RHOBTB3: variants seen among roughly 807,000 people sequenced by gnomAD.
The protein encoded by RHOBTB3 is rho-related BTB domain-containing protein 3.
RHOBTB3 carries 47 observed loss-of-function variants against 67.2 expected under a neutral mutation model. The observed-to-expected ratio is 0.70, with a 90% CI of 0.55 to 0.89. The LOEUF is 0.89. RHOBTB3 is among the 40% of genes least tolerant of loss of function. RHOBTB3 has a pLI of 0.00. For missense variants in RHOBTB3, 631 were observed against 750.0 expected (o/e 0.84, Z 1.85); for synonymous variants, 273 against 274.2 (o/e 1.00, Z 0.04).
chr5:95,788,022 T>C (rs1746272182), intron 10 of RHOBTB3, among the ~76,000 whole-genome samples: 1 of 152,230 alleles, frequency 6.6e-6, no homozygotes, highest in South Asian at 2.1e-4. Flanking sequence ...ACACATATTG[T>C]ACCACAATAA....
intron 8 of RHOBTB3, among the ~76,000 whole-genome samples, chr5:95,773,780 AG>A (rs1745789400): frequency 6.6e-6 from 1 of 152,220 alleles, no homozygotes; most frequent in South Asian, 2.1e-4. Context: ...TGTGACCACC[AG>A]CCCACTGAAT....
At chr5:95,792,925 G>A (rs566809491) in intron 11 of RHOBTB3, 134 bp from the exon 12 acceptor site, 2 of 571,134 alleles carry the variant, frequency 3.5e-6, no homozygotes, top group South Asian at 5.3e-5. Context: ...AATTATTTGG[G>A]AAAACTTGTG....
rs1358419013 is a variant in RHOBTB3 at position 95,732,249 on chromosome 5, AG to A, written c.228+168del. The A allele has an allele frequency of 8.8e-6, 6 of 678,924 alleles. No homozygotes were observed. In the African/African-American group the frequency reaches 1.1e-4, roughly 12 times the overall value. 42.1% of individuals were successfully genotyped at this position (678,924 alleles called of 1,614,324 possible). A position where few individuals can be genotyped will look rare whatever the true frequency, so the allele number is the denominator to read the frequency against. On this transcript the variant is annotated intron_variant, in intron 2 of 11. Coordinates refer to ENST00000379982, the MANE Select transcript of RHOBTB3 (RefSeq NM_014899.4). ...TCTTTGGTCCTTTGTTTCACTGGGC[AG>A]GGAACAGCCCTGTCAGAGAACACTC...
chr5:95,752,884 C>T (rs1342733699), intron 5 of RHOBTB3, among the ~76,000 whole-genome samples: 29 of 152,160 alleles, frequency 1.9e-4, no homozygotes. Context: ...GTAATCCCAG[C>T]ACTTTGGGAG....
In RHOBTB3 at chr5:95,752,243, AGTATT is replaced by A; in HGVS notation, c.576_580del (p.Glu192AspfsTer12). The A allele has an allele frequency of 6.5e-7, 1 of 1,531,544 alleles. No homozygotes were observed. The highest frequency in any genetic ancestry group is 8.9e-7 in the Non-Finnish European group (1 of 1,121,024). The allele number at this position is 1,531,544 out of a possible 1,614,324, so 94.9% of individuals were successfully genotyped here. On this transcript the variant is annotated frameshift_variant, in exon 5 of 12. Coordinates refer to ENST00000379982, the MANE Select transcript of RHOBTB3 (RefSeq NM_014899.4). LOFTEE classifies it high-confidence loss of function. ...AAAATTTGATTCCTGTTTTAGTTGG[AGTATT>A]TTATGATTCAAGCCTTAAATCAGAA...
intron 11 of RHOBTB3, among the ~76,000 whole-genome samples, chr5:95,789,968 C>A (rs2044172413): frequency 6.6e-6 from 1 of 152,162 alleles, no homozygotes; most frequent in Non-Finnish European, 1.5e-5. Flanking sequence ...GCCTGAGCAA[C>A]ATAACGAGAC....
rs779084398 is a variant in RHOBTB3, at chr5:95,732,105, C to T, written c.228+21C>T. On this transcript the variant is annotated intron_variant, in intron 2 of 11. Coordinates refer to ENST00000379982, the MANE Select transcript of RHOBTB3 (RefSeq NM_014899.4). Reference sequence around the variant, plus strand: ...TCTGGGTAAGGAAGAGCAGCTGCTCCGCGCTGAGGCTGAAGAAGCTTTTCT... The same window carrying T: ...TCTGGGTAAGGAAGAGCAGCTGCTCTGCGCTGAGGCTGAAGAAGCTTTTCT... 8 of 1,603,520 alleles carry T rather than the reference C, an allele frequency of 5.0e-6. No individual in the cohort carries two copies. The Admixed American group carries it at 6.7e-5, about 13-fold the overall frequency.
chr5:95,768,110 C>T lies in RHOBTB3; in HGVS notation c.1226C>T (p.Ser409Phe), dbSNP rs780165004. 39 of 1,613,200 alleles carry T rather than the reference C, an allele frequency of 2.4e-5. No individual in the cohort carries two copies. The highest frequency in any genetic ancestry group is 3.1e-5 in the Non-Finnish European group (37 of 1,179,190). Residue 409 changes from serine (S) to phenylalanine (F), a missense_variant, in exon 8 of 12, where the codon TCC becomes TTC. Coordinates refer to ENST00000379982, the MANE Select transcript of RHOBTB3 (RefSeq NM_014899.4). ...AAACCTTTGTGGTTTTATAACACTTCCCTCAAGTTTTTCCTTAATAAGCCG... is the reference window on the plus strand; with the variant it reads ...AAACCTTTGTGGTTTTATAACACTTTCCTCAAGTTTTTCCTTAATAAGCCG... Reference protein sequence around the residue: ...ARKPLWFYNTSLKFFLNKPML... With the variant: ...ARKPLWFYNTFLKFFLNKPML...
Position 95,731,873 on chromosome 5 carries a change from T to C in RHOBTB3, c.17T>C (p.Val6Ala). Residue 6 changes from valine to alanine, a missense_variant, in exon 2 of 12, where the codon GTG becomes GCG. Physicochemically the swap from Val to Ala is moderately conservative, Grantham distance 64. Transcript: ENST00000379982. MSIHI[V>A]ALGNEGDTFH... ...TGTCCGTGCAGGTCCATCCACATCGTGGCGCTGGGGAACGAGGGGGACACA... is the reference window on the plus strand; with the variant it reads ...TGTCCGTGCAGGTCCATCCACATCGCGGCGCTGGGGAACGAGGGGGACACA... 1 of 1,612,994 alleles carries C rather than the reference T, an allele frequency of 6.2e-7. No individual in the cohort carries two copies. Among genetic ancestry groups the C allele is most frequent in the Non-Finnish European group, 8.5e-7 (1 of 1,179,168 alleles).
chr5:95,760,414 G>A (rs1745364551), intron 6 of RHOBTB3, among the ~76,000 whole-genome samples: 1 of 152,310 alleles, frequency 6.6e-6, no homozygotes, highest in South Asian at 2.1e-4. Flanking sequence ...GTATTTGTAA[G>A]AACCTCAAGA....
At chr5:95,787,903 A>C (rs1746268946) in intron 10 of RHOBTB3, among the ~76,000 whole-genome samples, 1 of 152,242 alleles carries the variant, frequency 6.6e-6, no homozygotes, top group African/African-American at 2.4e-5. Context: ...GGGTGATAGA[A>C]AAGGCCTGGA....
chr5:95,778,081 C>T (rs115004576), intron 8 of RHOBTB3, among the ~76,000 whole-genome samples: 5,463 of 151,374 alleles, frequency 0.036, 140 homozygotes, highest in African/African-American at 0.065. Flanking sequence ...ACTGTGCTAC[C>T]GTACTCCAGC....
At chr5:95,723,640 A>G (rs1754962870) in intron 1 of RHOBTB3, among the ~76,000 whole-genome samples, 1 of 152,208 alleles carries the variant, frequency 6.6e-6, no homozygotes, top group African/African-American at 2.4e-5. Flanking sequence ...AGTTAAAACA[A>G]TACAAATACA....
chr5:95,728,196 T>G (rs893632911), upstream of RHOBTB3, among the ~76,000 whole-genome samples: 2 of 152,176 alleles, frequency 1.3e-5, no homozygotes, highest in African/African-American at 4.8e-5. Flanking sequence ...GATACTCAAT[T>G]TGTAGCTTAA....
chr5:95,762,092 C>T (rs1260602954), intron 6 of RHOBTB3, among the ~76,000 whole-genome samples: 1 of 152,214 alleles, frequency 6.6e-6, no homozygotes, highest in African/African-American at 2.4e-5. Context: ...GGAGCTGGCA[C>T]CAGCTTGTGA....
intron 8 of RHOBTB3, among the ~76,000 whole-genome samples, chr5:95,776,695 T>C (rs1388898862): frequency 2.0e-5 from 3 of 152,226 alleles, no homozygotes; most frequent in Non-Finnish European, 4.4e-5. Context: ...AGATCTTTGC[T>C]TGGATGCATA....
intron 11 of RHOBTB3, among the ~76,000 whole-genome samples, chr5:95,790,066 C>T (rs570471422): frequency 6.6e-6 from 1 of 152,160 alleles, no homozygotes; most frequent in African/African-American, 2.4e-5. Flanking sequence ...ACACACAATC[C>T]GTTTTTGGGA....
chr5:95,794,454 C>T lies in RHOBTB3; in HGVS notation c.*1280C>T, dbSNP rs1416755752. ...GATAAAGAGTAGCATGAATCTTGTG[C>T]TCTAATATTACACAGTAAGTTCAAA... On this transcript the variant is annotated 3_prime_UTR_variant, in exon 12 of 12. Transcript: ENST00000379982. The T allele has an allele frequency of 6.1e-6, 1 of 163,946 alleles. No homozygotes were observed. Among genetic ancestry groups the T allele is most frequent in the Admixed American group, 5.8e-5 (1 of 17,366 alleles). The allele number at this position is 163,946 out of a possible 1,614,324, so 10.2% of individuals were successfully genotyped here.
At chr5:95,731,831 T>C (rs773971625) in intron 1 of RHOBTB3, 28 bp from the exon 2 acceptor site, 4 of 1,605,208 alleles carry the variant, frequency 2.5e-6, no homozygotes. Context: ...GTGCTTCCCT[T>C]CTCCCCTCGC....
Sources: gnomAD v4.1 joint callset for allele counts (sites outside exome capture counted in the v4.1 genomes callset) on GRCh38, gnomAD v4.1.1 for gene constraint, MANE v1.5 for transcripts, NCBI Gene and HGNC (gene_info 2026-07-23, HGNC 2026-07-21) for gene names.